TENM4: variants seen among roughly 807,000 people sequenced by gnomAD.
TENM4 encodes the protein teneurin-4.
TENM4 carries 82 observed loss-of-function variants against 243.3 expected under a neutral mutation model. That is an observed-to-expected ratio of 0.34 (90% CI 0.28 to 0.40). The LOEUF is 0.40. Among genes scored for constraint, TENM4 ranks in the 10% least tolerant of loss-of-function variants. The pLI is 1.00. For synonymous variants in TENM4, 1,412 were observed against 1,456.3 expected, an observed-to-expected ratio of 0.97 and a Z score of 0.69; for missense variants, 3,138 against 3,673.3, an observed-to-expected ratio of 0.85 and a Z score of 3.77.
intron 9 of TENM4, among the ~76,000 whole-genome samples, chr11:78,877,958 G>C (rs1352008802): frequency 6.6e-6 from 1 of 152,136 alleles, no homozygotes; most frequent in Admixed American, 6.5e-5. Flanking sequence ...TCTTGCTTGA[G>C]TCATAAGTAG....
At chr11:79,082,063 C>G (rs764455777) in intron 4 of TENM4, among the ~76,000 whole-genome samples, 2 of 152,146 alleles carry the variant, frequency 1.3e-5, no homozygotes, top group African/African-American at 2.4e-5. Context: ...TATAACATCT[C>G]GATTCTTCCC....
chr11:78,954,511 T>G (rs1857169446), intron 6 of TENM4, among the ~76,000 whole-genome samples: 1 of 152,360 alleles, frequency 6.6e-6, no homozygotes, highest in South Asian at 2.1e-4. Context: ...TGGGAACTAG[T>G]GTGTTTTCAC....
At chr11:79,268,820 A>G (rs1028350154) in intron 2 of TENM4, among the ~76,000 whole-genome samples, 47 of 152,322 alleles carry the variant, frequency 3.1e-4, no homozygotes, top group African/African-American at 9.9e-4. Flanking sequence ...TGAAATGTCC[A>G]CCAAGCATAG....
At position 79,094,019 on chromosome 11, in the gene TENM4, A is replaced by T. The variant is rs1177277585; in HGVS notation, c.-65-24010T>A. The stretch of plus-strand genomic sequence containing the variant: ...CATACTAGGTACATTTCAAAAGTAC[A>T]ATAGCCACATGTGGCTAGTGGCTAC... On this transcript the variant is annotated intron_variant, in intron 4 of 33. Coordinates refer to ENST00000278550, the MANE Select transcript of TENM4 (RefSeq NM_001098816.3). Among the ~76,000 whole-genome samples, 2 of 152,240 alleles carry T rather than the reference A, an allele frequency of 1.3e-5. 1 individual carries two copies. Among genetic ancestry groups the T allele is most frequent in the Admixed American group, 1.3e-4 (2 of 15,288 alleles).
Position 78,657,238 on chromosome 11 carries a change from C to A in TENM4, c.*820G>T. On this transcript the variant is annotated 3_prime_UTR_variant, in exon 34 of 34. Transcript: ENST00000278550. ...CAACCAATCACAGGCATCCTGGGTGCTTTCCCTCCCGGGAGGATGGGACTC... is the reference window on the plus strand; with the variant it reads ...CAACCAATCACAGGCATCCTGGGTGATTTCCCTCCCGGGAGGATGGGACTC... 1 of 398,702 alleles carries A rather than the reference C, an allele frequency of 2.5e-6. No individual in the cohort carries two copies. Among genetic ancestry groups the A allele is most frequent in the Non-Finnish European group, 4.4e-6 (1 of 226,154 alleles). 24.7% of individuals were successfully genotyped at this position (398,702 alleles called of 1,614,324 possible).
chr11:79,090,548 A>G (rs1332316898), intron 4 of TENM4, among the ~76,000 whole-genome samples: 3 of 152,096 alleles, frequency 2.0e-5, no homozygotes, highest in Non-Finnish European at 2.9e-5. Flanking sequence ...GAGTTGTTAC[A>G]CTCCTGTTAC....
intron 2 of TENM4, among the ~76,000 whole-genome samples, chr11:79,228,990 T>C (rs577132803): frequency 6.6e-6 from 1 of 152,228 alleles, no homozygotes; most frequent in Non-Finnish European, 1.5e-5. Context: ...GTCCTCAGGC[T>C]CCTCTTGGCT....
intron 28 of TENM4, among the ~76,000 whole-genome samples, chr11:78,691,288 T>A (rs946689438): frequency 2.0e-5 from 3 of 152,216 alleles, no homozygotes; most frequent in Non-Finnish European, 4.4e-5. Flanking sequence ...GAGGACTGGC[T>A]CTCAGTTCAT....
At chr11:79,234,353 T>C (rs1864425522) in intron 2 of TENM4, among the ~76,000 whole-genome samples, 1 of 152,212 alleles carries the variant, frequency 6.6e-6, no homozygotes, top group African/African-American at 2.4e-5. Flanking sequence ...TGGCCCTCTA[T>C]GGACCTGAAA....
At chr11:79,031,233 G>A (rs373244696) in intron 6 of TENM4, among the ~76,000 whole-genome samples, 186 of 152,266 alleles carry the variant, frequency 1.2e-3, no homozygotes, top group African/African-American at 4.3e-3. Flanking sequence ...GCAAAGGCTC[G>A]CTGACTGACA....
At chr11:78,849,545 G>C (rs1340765001) in intron 12 of TENM4, among the ~76,000 whole-genome samples, 2 of 152,164 alleles carry the variant, frequency 1.3e-5, no homozygotes, top group African/African-American at 2.4e-5. Context: ...AGAGAGCTAA[G>C]CATGGTCCTC....
Position 78,932,157 on chromosome 11 carries a change from C to T in TENM4, c.494-28634G>A, listed in dbSNP as rs550978021. Among the ~76,000 whole-genome samples the T allele has an allele frequency of 1.2e-4, 18 of 152,306 alleles. No homozygotes were observed. In the East Asian group the frequency reaches 1.9e-3, roughly 16 times the overall value. On this transcript the variant is annotated intron_variant, in intron 6 of 33. Transcript: ENST00000278550. ...GTAACTAGATGGCATTGCTAGAGGA[C>T]GTTCTCACTGTAGGCTTCAACTAAA...
chr11:78,756,817 G>A lies in TENM4; in HGVS notation c.2744C>T (p.Pro915Leu), dbSNP rs1856318575. The A allele has an allele frequency of 3.1e-6, 5 of 1,613,450 alleles. No individual in the cohort carries two copies. Among genetic ancestry groups the A allele is most frequent in the Non-Finnish European group, 4.2e-6 (5 of 1,179,740 alleles). ...CCCTCGGACTCACCCTCCATCAAAG[G>A]GGTTCTCCCCGGGGATTATGTGCGT... ...DSTHIIPGEN[P>L]FDGGHACVIR... is the part of the protein sequence containing the mutation. Residue 915 changes from proline to leucine, a missense_variant, in exon 19 of 34, where the codon CCC becomes CTC. This residue lies in a region of TENM4 where 2,467 missense variants were observed against 3,059.1 expected (regional missense o/e 0.81). Transcript: ENST00000278550.
chr11:78,998,140 C>G (rs1050925736), intron 6 of TENM4, among the ~76,000 whole-genome samples: 4 of 152,200 alleles, frequency 2.6e-5, no homozygotes, highest in African/African-American at 4.8e-5. Flanking sequence ...TATAGCACCC[C>G]AAGCTGACTA....
intron 1 of TENM4, among the ~76,000 whole-genome samples, chr11:79,374,113 A>G (rs1170113128): frequency 6.6e-6 from 1 of 152,196 alleles, no homozygotes; most frequent in Non-Finnish European, 1.5e-5. Context: ...GCCAGCACGA[A>G]GGGTCATCTG....
intron 9 of TENM4, among the ~76,000 whole-genome samples, chr11:78,870,934 T>A (rs1287053701): frequency 6.6e-6 from 1 of 152,148 alleles, no homozygotes; most frequent in East Asian, 1.9e-4. Context: ...ATAAGAAAGC[T>A]GTGTTTTCTG....
chr11:79,117,920 G>A (rs927697028), intron 4 of TENM4, among the ~76,000 whole-genome samples: 70 of 152,098 alleles, frequency 4.6e-4, no homozygotes, highest in African/African-American at 1.7e-3. Flanking sequence ...CCTGCGCAGG[G>A]AACACACATA....
intron 9 of TENM4, among the ~76,000 whole-genome samples, chr11:78,875,142 T>C (rs1280579730): frequency 6.6e-6 from 1 of 151,240 alleles, no homozygotes; most frequent in Non-Finnish European, 1.5e-5. Flanking sequence ...TCAGTGCACA[T>C]GTGCATGGCA....
At chr11:79,031,613 T>C (rs148540819) in intron 6 of TENM4, among the ~76,000 whole-genome samples, 1 of 152,214 alleles carries the variant, frequency 6.6e-6, no homozygotes, top group East Asian at 1.9e-4. Context: ...AGTGAATGAG[T>C]ACAGAATTGT....
Sources: allele counts gnomAD v4.1 joint callset (sites outside exome capture counted in the v4.1 genomes callset), GRCh38; gene constraint gnomAD v4.1.1; regional missense constraint gnomAD v4.1.1; transcripts MANE v1.5; gene names NCBI Gene and HGNC (gene_info 2026-07-23, HGNC 2026-07-21).